POM121C: variants seen among roughly 807,000 people sequenced by gnomAD.
The protein encoded by POM121C is nuclear envelope pore membrane protein POM 121C.
Under a neutral mutation model 66.4 loss-of-function variants are expected in POM121C, and 20 were observed. The ratio of observed to expected loss-of-function variants is 0.30; its 90% CI spans 0.21 to 0.44. The LOEUF is 0.44. POM121C is among the 20% of genes least tolerant of loss of function. The pLI, the probability that POM121C is intolerant of heterozygous loss-of-function variation, is 1.00. For missense variants in POM121C, 580 were observed against 1,225.7 expected, an observed-to-expected ratio of 0.47 and a Z score of 7.87; for synonymous variants, 286 against 528.0, an observed-to-expected ratio of 0.54 and a Z score of 6.28.
At chr7:75,431,178 C>T (rs2116367241) in intron 7 of POM121C, among the ~76,000 whole-genome samples, 2 of 150,808 alleles carry the variant, frequency 1.3e-5, no homozygotes, top group Non-Finnish European at 3.0e-5. Context: ...TTTCAGTAAT[C>T]AGGGAAATGC....
intron 1 of POM121C, among the ~76,000 whole-genome samples, chr7:75,482,747 T>C (rs1476401805): frequency 6.6e-6 from 1 of 151,738 alleles, no homozygotes; most frequent in Non-Finnish European, 1.5e-5. Context: ...GACAAACAAA[T>C]ACTTACAGAT....
chr7:75,463,849 T>C (rs1168721963), intron 3 of POM121C, among the ~76,000 whole-genome samples: 2 of 151,928 alleles, frequency 1.3e-5, no homozygotes, highest in Non-Finnish European at 2.9e-5. Flanking sequence ...CATGCTACCA[T>C]GTCTGACTGT....
chr7:75,473,954 C>T (rs1554479005), intron 3 of POM121C, among the ~76,000 whole-genome samples: 3 of 152,176 alleles, frequency 2.0e-5, no homozygotes, highest in South Asian at 4.1e-4. Context: ...TCCTAAAGTG[C>T]TGGGATTACA....
chr7:75,438,232 C>T (rs587616801), intron 6 of POM121C, among the ~76,000 whole-genome samples: 6 of 152,304 alleles, frequency 3.9e-5, no homozygotes, highest in African/African-American at 1.2e-4. Flanking sequence ...ATATAGACAA[C>T]GCTCTCCTAG....
At chr7:75,476,018 G>C (rs1197917946) in intron 1 of POM121C, among the ~76,000 whole-genome samples, 3 of 152,156 alleles carry the variant, frequency 2.0e-5, no homozygotes, top group Non-Finnish European at 4.4e-5. Flanking sequence ...GGTGGCTCAT[G>C]CCTATAATCC....
intron 1 of POM121C, among the ~76,000 whole-genome samples, chr7:75,477,448 G>T (rs1177105317): frequency 6.6e-6 from 1 of 152,010 alleles, no homozygotes; most frequent in Non-Finnish European, 1.5e-5. Flanking sequence ...AACAAAATTA[G>T]TTGTAGTATT....
rs1409840385 is a variant in POM121C, at chr7:75,418,774, G to C, written c.*22C>G. ...TCCAGATTTAGGGAAGGGGTGGGGG[G>C]AACAGGGACAGGGGACAAAGGCTAC... On this transcript the variant is annotated 3_prime_UTR_variant, in exon 15 of 15. Coordinates refer to ENST00000615331, the MANE Select transcript of POM121C (RefSeq NM_001099415.3). The C allele has an allele frequency of 2.5e-6, 4 of 1,573,552 alleles. No individual in the cohort carries two copies. The highest frequency in any genetic ancestry group is 2.2e-5 in the East Asian group (1 of 44,604).
chr7:75,438,516 C>G (rs1389926691), intron 6 of POM121C, among the ~76,000 whole-genome samples: 2 of 152,216 alleles, frequency 1.3e-5, no homozygotes, highest in South Asian at 4.1e-4. Context: ...ATCTCCTTAA[C>G]ATCTTCGTTG....
At chr7:75,463,203 G>C (rs1378839817) in intron 3 of POM121C, among the ~76,000 whole-genome samples, 5 of 152,064 alleles carry the variant, frequency 3.3e-5, no homozygotes, top group Admixed American at 2.6e-4. Flanking sequence ...AAATTAGCCA[G>C]GTGTGGTGAC....
chr7:75,425,068 C>T lies in POM121C; in HGVS notation c.768+6G>A. 1 of 1,472,518 alleles carries T rather than the reference C, an allele frequency of 6.8e-7. No homozygotes were observed. The highest frequency in any genetic ancestry group is 9.0e-7 in the Non-Finnish European group (1 of 1,110,856). 91.2% of individuals were successfully genotyped at this position (1,472,518 alleles called of 1,614,324 possible). On this transcript the variant is annotated splice_donor_region_variant and intron_variant, in intron 10 of 14. Transcript: ENST00000615331. ...GGAGGGCAGGAGTAGATGGACAAGA[C>T]CATACCAAGGTCAGCTGTTCCCCTC...
chr7:75,438,115 T>TA (rs1211910083), intron 6 of POM121C, among the ~76,000 whole-genome samples: 63 of 151,590 alleles, frequency 4.2e-4, no homozygotes, highest in African/African-American at 1.3e-3. Context: ...ACAAAGCTGT[T>TA]AAAAAAAAAT....
At chr7:75,452,268 G>A (rs1293743497) in intron 3 of POM121C, among the ~76,000 whole-genome samples, 1 of 151,500 alleles carries the variant, frequency 6.6e-6, no homozygotes, top group Non-Finnish European at 1.5e-5. Context: ...GACCAGCCTG[G>A]CCAACATGGG....
At chr7:75,468,883 T>C (rs1318616131) in intron 3 of POM121C, among the ~76,000 whole-genome samples, 1 of 152,134 alleles carries the variant, frequency 6.6e-6, no homozygotes, top group East Asian at 1.9e-4. Flanking sequence ...CATTAAAAAT[T>C]GTTTTCAAAG....
chr7:75,485,300 C>A (rs1792480644), intron 1 of POM121C, among the ~76,000 whole-genome samples: 2 of 152,126 alleles, frequency 1.3e-5, no homozygotes, highest in African/African-American at 4.8e-5. Flanking sequence ...TAATAATCTT[C>A]TATTAAGAAA....
At chr7:75,437,419 G>A (rs587671447) in intron 7 of POM121C, 96 bp downstream of exon 7, 2 of 1,482,474 alleles carry the variant, frequency 1.3e-6, no homozygotes, top group African/African-American at 2.8e-5. Context: ...CTTCCAAAGT[G>A]CTGGGATTAC....
Position 75,418,789 on chromosome 7 carries a change from A to AACAGGGACAGGGG in POM121C, c.*6_*7insCCCCTGTCCCTGT. 6.2e-7 allele frequency: 1 copy of AACAGGGACAGGGG among 1,604,054 alleles called. No individual in the cohort carries two copies. Among genetic ancestry groups the AACAGGGACAGGGG allele is most frequent in the South Asian group, 1.1e-5 (1 of 90,100 alleles). ...GGGGTGGGGGGAACAGGGACAGGGG[A>AACAGGGACAGGGG]CAAAGGCTACTTTTTGCGGGTGTGC... On this transcript the variant is annotated 3_prime_UTR_variant, in exon 15 of 15. Coordinates refer to ENST00000615331, the MANE Select transcript of POM121C (RefSeq NM_001099415.3).
intron 1 of POM121C, among the ~76,000 whole-genome samples, chr7:75,477,095 TAC>T (rs1310836939): frequency 2.5e-4 from 27 of 106,672 alleles, no homozygotes; most frequent in African/African-American, 8.9e-4. Flanking sequence ...AGCACATATA[TAC>T]AGTTTGCGTG....
At chr7:75,456,227 C>T (rs1464125250) in intron 3 of POM121C, among the ~76,000 whole-genome samples, 5 of 152,224 alleles carry the variant, frequency 3.3e-5, no homozygotes, top group Non-Finnish European at 1.5e-5. Flanking sequence ...TGACAGAGTA[C>T]AACCCTGCTC....
chr7:75,420,989 G>A (rs1250392341), intron 13 of POM121C: 17 of 135,466 alleles, frequency 1.3e-4, no homozygotes, highest in African/African-American at 3.8e-4. Flanking sequence ...TTCAGCTTAC[G>A]CTTGAGACAG....
Sources: allele counts gnomAD v4.1 joint callset (sites outside exome capture counted in the v4.1 genomes callset), GRCh38; gene constraint gnomAD v4.1.1; transcripts MANE v1.5; gene names NCBI Gene and HGNC (gene_info 2026-07-23, HGNC 2026-07-21).